TEAD1: variants seen among roughly 807,000 people sequenced by gnomAD.
The protein encoded by TEAD1 is TEA domain transcription factor 1.
TEAD1 carries 9 observed loss-of-function variants against 54.9 expected under a neutral mutation model. The observed-to-expected ratio is 0.16, with a 90% confidence interval of 0.10 to 0.29. TEAD1 has a LOEUF of 0.29. Among genes scored for constraint, TEAD1 ranks in the 10% least tolerant of loss-of-function variants. The pLI is 1.00. For missense variants in TEAD1, 387 were observed against 535.9 expected (o/e 0.72, Z 2.74); for synonymous variants, 200 against 187.8 (o/e 1.07, Z -0.53).
chr11:12,753,475 G>A (rs952628531), intron 2 of TEAD1, among the ~76,000 whole-genome samples: 7 of 152,124 alleles, frequency 4.6e-5, no homozygotes, highest in African/African-American at 1.7e-4. Flanking sequence ...CTGGATAGAG[G>A]TATCACATTG....
intron 3 of TEAD1, among the ~76,000 whole-genome samples, chr11:12,788,421 C>CACA (rs1564940144): frequency 6.6e-6 from 1 of 152,034 alleles, no homozygotes; most frequent in African/African-American, 2.4e-5. Context: ...CATGAGCCAC[C>CACA]GTGCCTGGCC....
At chr11:12,807,299 A>T (rs1230937042) in intron 3 of TEAD1, among the ~76,000 whole-genome samples, 1 of 152,226 alleles carries the variant, frequency 6.6e-6, no homozygotes, top group Non-Finnish European at 1.5e-5. Context: ...TGTCCGCTCA[A>T]ATACAGTCTT....
At chr11:12,897,557 G>A (rs1047197959) in intron 9 of TEAD1, among the ~76,000 whole-genome samples, 2 of 152,156 alleles carry the variant, frequency 1.3e-5, no homozygotes, top group African/African-American at 2.4e-5. Flanking sequence ...CCACCTCTTG[G>A]CAGCAGTGAA....
At chr11:12,795,632 TTGC>T (rs1228229482) in intron 3 of TEAD1, among the ~76,000 whole-genome samples, 3 of 152,136 alleles carry the variant, frequency 2.0e-5, no homozygotes, top group Admixed American at 6.5e-5. Context: ...CTTTATACCC[TTGC>T]TCCTCCACCT....
At chr11:12,675,117 GC>G (rs1190000604) in intron 1 of TEAD1, among the ~76,000 whole-genome samples, 4 of 147,494 alleles carry the variant, frequency 2.7e-5, no homozygotes, top group African/African-American at 9.8e-5. Flanking sequence ...GCCGCGCCGC[GC>G]CCCCCGCGCG....
At chr11:12,698,350 G>C (rs1245507199) in intron 2 of TEAD1, among the ~76,000 whole-genome samples, 1 of 152,044 alleles carries the variant, frequency 6.6e-6, no homozygotes, top group Non-Finnish European at 1.5e-5. Context: ...AAGGTGAAGT[G>C]GGGGTGGAGG....
At chr11:12,887,935 T>C (rs1212254807) in intron 9 of TEAD1, among the ~76,000 whole-genome samples, 1 of 152,234 alleles carries the variant, frequency 6.6e-6, no homozygotes, top group Non-Finnish European at 1.5e-5. Flanking sequence ...CATGTACATA[T>C]GTTTCCCCCT....
At chr11:12,778,216 G>A (rs1044784275) in intron 3 of TEAD1, among the ~76,000 whole-genome samples, 2 of 152,178 alleles carry the variant, frequency 1.3e-5, no homozygotes, top group African/African-American at 4.8e-5. Flanking sequence ...ATTTAATCAT[G>A]AAAGTAGTGG....
At chr11:12,690,198 C>A (rs1269356572) in intron 2 of TEAD1, among the ~76,000 whole-genome samples, 1 of 148,386 alleles carries the variant, frequency 6.7e-6, no homozygotes, top group South Asian at 2.1e-4. Flanking sequence ...GCTGAGATTG[C>A]GCCACTGCAC....
chr11:12,795,081 A>G (rs900166941), intron 3 of TEAD1, among the ~76,000 whole-genome samples: 22 of 152,192 alleles, frequency 1.4e-4, no homozygotes, highest in Admixed American at 2.0e-4. Context: ...GGAGGTGAGA[A>G]GCTGGAGGTT....
At chr11:12,818,453 G>A (rs1946462076) in intron 3 of TEAD1, among the ~76,000 whole-genome samples, 1 of 152,038 alleles carries the variant, frequency 6.6e-6, no homozygotes. Context: ...GTAAGGCTTT[G>A]GGGCCTCCCT....
chr11:12,745,055 C>G (rs968384968), intron 2 of TEAD1, among the ~76,000 whole-genome samples: 3 of 152,128 alleles, frequency 2.0e-5, no homozygotes, highest in African/African-American at 4.8e-5. Context: ...AGTGTGGTGG[C>G]ATTGCTCTGC....
intron 3 of TEAD1, among the ~76,000 whole-genome samples, chr11:12,781,332 A>G (rs1017787896): frequency 2.0e-5 from 3 of 152,232 alleles, no homozygotes; most frequent in Non-Finnish European, 4.4e-5. Context: ...AAAATTCATG[A>G]AAATTAAAAA....
intron 3 of TEAD1, among the ~76,000 whole-genome samples, chr11:12,769,386 G>T (rs1337209568): frequency 6.6e-6 from 1 of 152,168 alleles, no homozygotes; most frequent in Non-Finnish European, 1.5e-5. Context: ...TGGCAGAACT[G>T]ACAAGGGGGT....
intron 3 of TEAD1, among the ~76,000 whole-genome samples, chr11:12,808,949 C>A (rs1378712349): frequency 6.6e-6 from 1 of 152,050 alleles, no homozygotes; most frequent in Non-Finnish European, 1.5e-5. Flanking sequence ...GTTGGAGTCC[C>A]TAGAAGGGGA....
chr11:12,836,573 GGGTTTGGTAATTTTGGAACCT>G (rs1232632901), intron 3 of TEAD1, among the ~76,000 whole-genome samples: 1 of 152,194 alleles, frequency 6.6e-6, no homozygotes, highest in Non-Finnish European at 1.5e-5. Context: ...AGGAGAGAGC[GGGTTTGGTAATTTTGGAACCT>G]GGTAAACTTT....
rs555263461 is a variant in TEAD1 at position 12,697,527 on chromosome 11, A to C, written c.-55+21966A>C. Among the ~76,000 whole-genome samples the C allele has an allele frequency of 2.6e-5, 4 of 152,346 alleles. No homozygotes were observed. In the East Asian group the frequency reaches 7.7e-4, roughly 29 times the overall value. ...TGGGGAGGAAAACCCCTACAAGTAC[A>C]TTAGCAGATGTACATACATGCAATA... On this transcript the variant is annotated intron_variant, in intron 2 of 12. Transcript: ENST00000527636.
chr11:12,801,718 T>C (rs545625269), intron 3 of TEAD1, among the ~76,000 whole-genome samples: 11 of 152,326 alleles, frequency 7.2e-5, no homozygotes, highest in African/African-American at 2.6e-4. Flanking sequence ...TGAAGATGTT[T>C]ATGTGCATTG....
intron 3 of TEAD1, among the ~76,000 whole-genome samples, chr11:12,805,303 G>T (rs1248683973): frequency 6.6e-6 from 1 of 152,082 alleles, no homozygotes; most frequent in Non-Finnish European, 1.5e-5. Context: ...TTTCTTTGGG[G>T]GCAGCTGAAT....
Sources: allele counts gnomAD v4.1 joint callset (sites outside exome capture counted in the v4.1 genomes callset), GRCh38; gene constraint gnomAD v4.1.1; transcripts MANE v1.5; gene names NCBI Gene and HGNC (gene_info 2026-07-23, HGNC 2026-07-21).